AFF3: variants seen among roughly 807,000 people sequenced by gnomAD.
The protein encoded by AFF3 is ALF transcription elongation factor 3.
A neutral mutation model predicts 129.7 loss-of-function variants in AFF3; 32 were observed. The ratio of observed to expected loss-of-function variants is 0.25; its 90% CI spans 0.19 to 0.33. The LOEUF is 0.33. Ranked by LOEUF, AFF3 falls within the 10% of genes least tolerant of loss-of-function variation. The pLI, the probability that AFF3 is intolerant of heterozygous loss-of-function variation, is 1.00. For missense variants in AFF3, 1,373 were observed against 1,592.0 expected (o/e 0.86, Z 2.34); for synonymous variants, 644 against 635.4 (o/e 1.01, Z -0.20).
chr2:99,875,526 A>C (rs887844011), intron 7 of AFF3, among the ~76,000 whole-genome samples: 1 of 152,192 alleles, frequency 6.6e-6, no homozygotes, highest in African/African-American at 2.4e-5. Context: ...GGTCGCTACC[A>C]CTTGTGCTTG....
intron 4 of AFF3, among the ~76,000 whole-genome samples, chr2:100,095,504 C>T (rs1314500953): frequency 5.3e-5 from 8 of 152,336 alleles, no homozygotes; most frequent in East Asian, 1.9e-4. Flanking sequence ...ACTTCATCCA[C>T]GAGTTCACGT....
At chr2:99,960,692 T>C (rs2104319062) in intron 7 of AFF3, among the ~76,000 whole-genome samples, 1 of 152,312 alleles carries the variant, frequency 6.6e-6, no homozygotes, top group South Asian at 2.1e-4. Context: ...CCTTTGTGCT[T>C]GCTTACATAC....
At chr2:99,594,399 A>C in intron 14 of AFF3, 110 bp from the exon 15 acceptor site, 3 of 1,451,330 alleles carry the variant, frequency 2.1e-6, no homozygotes, top group Non-Finnish European at 2.8e-6. Flanking sequence ...TGAGCAGAAA[A>C]CGAATGGGCT....
At chr2:100,105,328 A>G in intron 3 of AFF3, 176 bp downstream of exon 3, 1 of 1,206,942 alleles carries the variant, frequency 8.3e-7, no homozygotes, top group Non-Finnish European at 1.1e-6. Context: ...CAGCGCCCCA[A>G]ACAAACCGTT....
intron 7 of AFF3, among the ~76,000 whole-genome samples, chr2:99,858,039 T>C (rs1355379174): frequency 6.6e-6 from 1 of 152,118 alleles, no homozygotes; most frequent in Non-Finnish European, 1.5e-5. Context: ...GGACTGGACA[T>C]GACAGCAGCT....
At chr2:99,814,461 C>T (rs2105617113) in intron 8 of AFF3, among the ~76,000 whole-genome samples, 1 of 152,248 alleles carries the variant, frequency 6.6e-6, no homozygotes, top group African/African-American at 2.4e-5. Context: ...GAAGGAAGGG[C>T]AGGTCCTGGG....
chr2:99,739,027 T>TTA (rs1680492573), intron 10 of AFF3, among the ~76,000 whole-genome samples: 1 of 151,236 alleles, frequency 6.6e-6, no homozygotes, highest in African/African-American at 2.4e-5. Flanking sequence ...TTTTTTTTTT[T>TTA]AGCAAATATT....
intron 7 of AFF3, among the ~76,000 whole-genome samples, chr2:99,973,077 CAT>C (rs889304203): frequency 6.6e-6 from 1 of 152,198 alleles, no homozygotes. Flanking sequence ...GAAAACAACA[CAT>C]GATACCTGTA....
chr2:99,582,583 A>C (rs771531790), intron 17 of AFF3, among the ~76,000 whole-genome samples: 5 of 152,174 alleles, frequency 3.3e-5, no homozygotes, highest in Non-Finnish European at 7.4e-5. Context: ...TAAGCAACCG[A>C]GGGTTAGAAC....
At chr2:99,618,353 A>T (rs1251238490) in intron 13 of AFF3, among the ~76,000 whole-genome samples, 10 of 142,220 alleles carry the variant, frequency 7.0e-5, no homozygotes, top group African/African-American at 2.4e-4. Flanking sequence ...CTCCTTCCTC[A>T]GCTTCCTGAG....
At chr2:99,964,745 A>G (rs1677575933) in intron 7 of AFF3, among the ~76,000 whole-genome samples, 1 of 152,204 alleles carries the variant, frequency 6.6e-6, no homozygotes, top group African/African-American at 2.4e-5. Flanking sequence ...ATGCACCATG[A>G]TTTATTTAGG....
At chr2:100,022,104 T>C (rs1318493109) in intron 4 of AFF3, among the ~76,000 whole-genome samples, 1 of 152,188 alleles carries the variant, frequency 6.6e-6, no homozygotes, top group Non-Finnish European at 1.5e-5. Context: ...ATTCATTCTG[T>C]GCTAGTGACA....
chr2:99,712,499 G>A (rs1435594064), intron 11 of AFF3, among the ~76,000 whole-genome samples: 1 of 152,204 alleles, frequency 6.6e-6, no homozygotes, highest in Non-Finnish European at 1.5e-5. Context: ...TCACTCCTTT[G>A]GCACAAAGCA....
chr2:100,060,177 C>G (rs1486001806), intron 4 of AFF3, among the ~76,000 whole-genome samples: 1 of 152,092 alleles, frequency 6.6e-6, no homozygotes, highest in Non-Finnish European at 1.5e-5. Flanking sequence ...TATCCACAAA[C>G]TTGTCACCTT....
intron 2 of AFF3, among the ~76,000 whole-genome samples, chr2:100,114,110 A>G (rs1691631251): frequency 6.6e-6 from 1 of 152,164 alleles, no homozygotes; most frequent in African/African-American, 2.4e-5. Context: ...CTGAGAGTTG[A>G]AAAGAGGAAA....
At position 99,838,628 on chromosome 2, in the gene AFF3, C is replaced by T. The variant is rs143066831; in HGVS notation, c.874-1104G>A. On this transcript the variant is annotated intron_variant, in intron 7 of 24. Coordinates refer to ENST00000672756, the MANE Select transcript of AFF3 (RefSeq NM_001386135.1). ...GGCAATTCAATAGTGAAGTCTCCAG[C>T]AATATCTCCTCCCTCTAAAACATCA... is the stretch of plus-strand genomic sequence containing the variant. 1.4e-3 allele frequency among the ~76,000 whole-genome samples: 211 copies of T among 152,290 alleles called. 1 individual carries two copies. The highest frequency in any genetic ancestry group is 5.0e-3 in the African/African-American group (207 of 41,564).
chr2:99,725,263 G>A (rs1679274328), intron 11 of AFF3, among the ~76,000 whole-genome samples: 1 of 152,090 alleles, frequency 6.6e-6, no homozygotes, highest in African/African-American at 2.4e-5. Flanking sequence ...GTGAGCCACC[G>A]TGCCTGGCCA....
chr2:99,988,141 A>G (rs1195465552), intron 7 of AFF3, among the ~76,000 whole-genome samples: 1 of 152,194 alleles, frequency 6.6e-6, no homozygotes, highest in Non-Finnish European at 1.5e-5. Flanking sequence ...AGGATGATAG[A>G]TAGATGGTAG....
intron 7 of AFF3, among the ~76,000 whole-genome samples, chr2:99,870,783 G>C (rs1330910656): frequency 1.3e-5 from 2 of 152,140 alleles, no homozygotes. Flanking sequence ...AACAGAATTT[G>C]ACAATTTATC....
Sources: allele counts gnomAD v4.1 joint callset (sites outside exome capture counted in the v4.1 genomes callset), GRCh38; gene constraint gnomAD v4.1.1; transcripts MANE v1.5; gene names NCBI Gene and HGNC (gene_info 2026-07-23, HGNC 2026-07-21).